The following NCKAP1L variants were observed in gnomAD, a reference collection of about 807,000 sequenced individuals.
NCKAP1L encodes nck-associated protein 1-like.
A neutral mutation model predicts 139.2 loss-of-function variants in NCKAP1L; 53 were observed. The ratio of observed to expected loss-of-function variants is 0.38; its 90% CI spans 0.31 to 0.48. NCKAP1L has a LOEUF of 0.48. NCKAP1L is among the 20% of genes least tolerant of loss of function. The pLI, the probability that NCKAP1L is intolerant of heterozygous loss-of-function variation, is 0.98. For synonymous variants in NCKAP1L, 468 were observed against 499.7 expected, an observed-to-expected ratio of 0.94 and a Z score of 0.85; for missense variants, 1,151 against 1,381.9, an observed-to-expected ratio of 0.83 and a Z score of 2.65.
At chr12:54,539,217 G>C (rs1413774670) in intron 30 of NCKAP1L, among the ~76,000 whole-genome samples, 1 of 152,344 alleles carries the variant, frequency 6.6e-6, no homozygotes, top group East Asian at 1.9e-4. Context: ...CCCTAAGCTG[G>C]CTGGGCCCAT....
At chr12:54,523,608 G>A (rs1957004018) in intron 19 of NCKAP1L, 69 bp downstream of exon 19, 2 of 1,516,114 alleles carry the variant, frequency 1.3e-6, no homozygotes, top group Admixed American at 2.2e-5. Context: ...AAAGAGGGAA[G>A]GTGACACAGA....
At chr12:54,523,658 G>A in intron 19 of NCKAP1L, 119 bp downstream of exon 19, 2 of 1,449,692 alleles carry the variant, frequency 1.4e-6, no homozygotes, top group Non-Finnish European at 9.3e-7. Context: ...TGAGGGGCAT[G>A]GAAAAGCACT....
intron 28 of NCKAP1L, 69 bp from the exon 29 acceptor site, chr12:54,536,875 G>A: frequency 1.9e-6 from 2 of 1,051,522 alleles, no homozygotes; most frequent in South Asian, 1.3e-5. Context: ...TACTAGTTTG[G>A]GTCATCCTGG....
chr12:54,507,996 G>C, intron 4 of NCKAP1L, 87 bp downstream of exon 4: 1 of 1,163,106 alleles, frequency 8.6e-7, no homozygotes, highest in Non-Finnish European at 1.3e-6. Flanking sequence ...TCACAGGATG[G>C]GGTGGGAAGG....
chr12:54,532,082 C>A, intron 25 of NCKAP1L, 88 bp from the exon 26 acceptor site: 1 of 981,426 alleles, frequency 1.0e-6, no homozygotes, highest in Non-Finnish European at 1.5e-6. Flanking sequence ...AATTGAGTGC[C>A]CCTCCTTTTT....
intron 9 of NCKAP1L, among the ~76,000 whole-genome samples, chr12:54,513,968 ATGTGTGTGTG>A (rs61519403): frequency 5.4e-5 from 8 of 148,700 alleles, no homozygotes; most frequent in South Asian, 2.2e-4. Flanking sequence ...CATCCTTCAG[ATGTGTGTGTG>A]TGTGTGTGTG....
Position 54,528,395 on chromosome 12 carries a change from T to A in NCKAP1L, c.2506+18T>A. The A allele has an allele frequency of 6.2e-7, 1 of 1,611,550 alleles. No homozygotes were observed. The highest frequency in any genetic ancestry group is 8.5e-7 in the Non-Finnish European group (1 of 1,178,980). Reference sequence around the variant, plus strand: ...CATCTCTGGTGAGCTCAGGGCCTGGTCTTCTTGTCAAGGAGCTGAGCCCTT... The same window carrying A: ...CATCTCTGGTGAGCTCAGGGCCTGGACTTCTTGTCAAGGAGCTGAGCCCTT... On this transcript the variant is annotated intron_variant, in intron 22 of 30. Transcript: ENST00000293373.
chr12:54,503,508 A>G (rs943261094), intron 3 of NCKAP1L, among the ~76,000 whole-genome samples: 2 of 152,124 alleles, frequency 1.3e-5, no homozygotes, highest in African/African-American at 4.8e-5. Flanking sequence ...GATAGTTACA[A>G]TGTGATAATT....
In NCKAP1L at chr12:54,542,590, T is replaced by C; in HGVS notation, c.3289T>C (p.Ser1097Pro). ...TCTCTTTCAGGTGGTGGAGGAGTCA[T>C]CCTTCCTGACCCTGGACATGCTGGA... is the stretch of plus-strand genomic sequence containing the variant. ...LLMRLVVEES[S>P]FLTLDMLESC... is the part of the protein sequence containing the mutation. The change falls in exon 31 of 31, where the codon TCC (serine) becomes CCC (proline). Residue 1097 changes from serine (S) to proline (P), a missense_variant. Coordinates refer to ENST00000293373, the MANE Select transcript of NCKAP1L (RefSeq NM_005337.5). 1 of 1,613,970 alleles carries C rather than the reference T, an allele frequency of 6.2e-7. No homozygotes were observed. The highest frequency in any genetic ancestry group is 8.5e-7 in the Non-Finnish European group (1 of 1,179,840).
chr12:54,509,708 G>A lies in NCKAP1L; in HGVS notation c.546G>A (p.Glu182=), dbSNP rs1956871930. ...CCCGTCTGGGTCAGATGGTCTTGGA[G>A]TATGACCACCCTCTGAAGAAGCTGA... ...SFARLGQMVL[E]YDHPLKKLTE... Residue 182 remains glutamate (E), a synonymous_variant, in exon 6 of 31, where the codon GAG becomes GAA. Coordinates refer to ENST00000293373, the MANE Select transcript of NCKAP1L (RefSeq NM_005337.5). 3 of 1,614,074 alleles carry A rather than the reference G, an allele frequency of 1.9e-6. No homozygotes were observed. Among genetic ancestry groups the A allele is most frequent in the African/African-American group, 1.3e-5 (1 of 74,920 alleles).
intron 1 of NCKAP1L, among the ~76,000 whole-genome samples, chr12:54,499,019 G>T (rs921089412): frequency 2.0e-5 from 3 of 151,724 alleles, no homozygotes; most frequent in South Asian, 2.1e-4. Flanking sequence ...TCCGCCTCCC[G>T]GGTTCAAGCG....
intron 1 of NCKAP1L, chr12:54,498,681 C>A: frequency 1.7e-6 from 1 of 592,636 alleles, no homozygotes; most frequent in Non-Finnish European, 2.1e-6. Flanking sequence ...ACATAGTGAA[C>A]AAAATTGTGA....
rs775858575 is a variant in NCKAP1L, at chr12:54,511,991, A to G, written c.827A>G (p.Gln276Arg). 1 of 1,614,224 alleles carries G rather than the reference A, an allele frequency of 6.2e-7. No individual in the cohort carries two copies. The highest frequency in any genetic ancestry group is 8.5e-7 in the Non-Finnish European group (1 of 1,180,042). Reference sequence around the variant, plus strand: ...CATGGGTGCCTCAACTCCAATAGCCAGTGCCAGAAGCTGTGGAAGCTGTGT... The same window carrying G: ...CATGGGTGCCTCAACTCCAATAGCCGGTGCCAGAAGCTGTGGAAGCTGTGT... ...LCHGCLNSNSQCQKLWKLCLQ... is the reference protein window; with the variant it reads ...LCHGCLNSNSRCQKLWKLCLQ... The change falls in exon 9 of 31, where the codon CAG becomes CGG. Residue 276 changes from glutamine (Q) to arginine (R), a missense_variant. Coordinates refer to ENST00000293373, the MANE Select transcript of NCKAP1L (RefSeq NM_005337.5).
chr12:54,530,662 C>A (rs771791177), intron 22 of NCKAP1L, among the ~76,000 whole-genome samples: 2 of 152,212 alleles, frequency 1.3e-5, no homozygotes, highest in South Asian at 2.1e-4. Flanking sequence ...CCAGTACCAG[C>A]CCCTGCTGTG....
At chr12:54,507,930 C>T (rs749911627) in intron 4 of NCKAP1L, 21 bp downstream of exon 4, 2 of 1,611,264 alleles carry the variant, frequency 1.2e-6, no homozygotes, top group African/African-American at 1.3e-5. Flanking sequence ...TTGCAATTCT[C>T]TTCTATCGTA....
chr12:54,523,630 G>A (rs982279903), intron 19 of NCKAP1L, 91 bp downstream of exon 19: 11 of 1,505,670 alleles, frequency 7.3e-6, no homozygotes, highest in Non-Finnish European at 8.9e-6. Context: ...AGAAAAGAGC[G>A]CAAGTCATGG....
chr12:54,538,426 G>A (rs1275195447), intron 29 of NCKAP1L, among the ~76,000 whole-genome samples: 1 of 152,138 alleles, frequency 6.6e-6, no homozygotes, highest in Non-Finnish European at 1.5e-5. Context: ...GGGGGTTTGG[G>A]GATGATGGAG....
At chr12:54,536,615 G>A (rs909464881) in intron 28 of NCKAP1L, 35 of 302,950 alleles carry the variant, frequency 1.2e-4, no homozygotes, top group Non-Finnish European at 1.7e-4. Flanking sequence ...CCATGATTGC[G>A]CCACTGCACT....
chr12:54,507,806 C>T (rs1390754790), intron 3 of NCKAP1L, 47 bp from the exon 4 acceptor site: 1 of 1,572,880 alleles, frequency 6.4e-7, no homozygotes, highest in Non-Finnish European at 8.8e-7. Flanking sequence ...AGTACGTCAC[C>T]TTCTCTTTGA....
Sources: allele counts gnomAD v4.1 joint callset (sites outside exome capture counted in the v4.1 genomes callset), GRCh38; gene constraint gnomAD v4.1.1; transcripts MANE v1.5; gene names NCBI Gene and HGNC (gene_info 2026-07-23, HGNC 2026-07-21).